Variants in MIR2052HG observed in about 807,000 individuals in gnomAD.
MIR2052HG encodes MIR2052 host gene.
intron 2 of MIR2052HG, among the ~76,000 whole-genome samples, chr8:74,661,915 C>T (rs534535577): frequency 4.4e-4 from 67 of 152,220 alleles, no homozygotes; most frequent in African/African-American, 1.5e-3. Flanking sequence ...TATTGAAAAA[C>T]GATATATCTA....
At chr8:74,612,914 G>A in exon 2 of MIR2052HG, 1 of 456,280 alleles carries the variant, frequency 2.2e-6, no homozygotes, top group Non-Finnish European at 4.4e-6. Flanking sequence ...TGGAGAGCCA[G>A]AAAAGGATCC....
intron 4 of MIR2052HG, among the ~76,000 whole-genome samples, chr8:74,738,228 A>G (rs1193156020): frequency 6.6e-6 from 1 of 151,852 alleles, no homozygotes; most frequent in African/African-American, 2.4e-5. Flanking sequence ...CCTTCTTCCT[A>G]CATGTACCGT....
chr8:74,679,361 T>C (rs1042531080), intron 2 of MIR2052HG, among the ~76,000 whole-genome samples: 6 of 152,210 alleles, frequency 3.9e-5, no homozygotes, highest in Middle Eastern at 6.8e-3. Flanking sequence ...TTTCCATTCC[T>C]GAGTTATTTC....
At chr8:74,701,970 C>A (rs1809362673) in intron 2 of MIR2052HG, among the ~76,000 whole-genome samples, 1 of 152,022 alleles carries the variant, frequency 6.6e-6, no homozygotes, top group African/African-American at 2.4e-5. Context: ...AAAGGTAAAT[C>A]TTTGAGGCAT....
chr8:74,688,467 A>C (rs1304276387), intron 2 of MIR2052HG, among the ~76,000 whole-genome samples: 1 of 151,964 alleles, frequency 6.6e-6, no homozygotes, highest in African/African-American at 2.4e-5. Flanking sequence ...ACTAGTATAC[A>C]CGAGCTATAC....
chr8:74,729,123 A>T (rs1005745373), intron 4 of MIR2052HG, among the ~76,000 whole-genome samples: 3 of 152,206 alleles, frequency 2.0e-5, no homozygotes, highest in African/African-American at 7.2e-5. Flanking sequence ...AACTGGCTCC[A>T]ACAATCACAT....
chr8:74,715,520 A>C lies in MIR2052HG; in HGVS notation n.371+11838A>C, dbSNP rs527239484. On this transcript the variant is annotated intron_variant and non_coding_transcript_variant, in intron 4 of 6. Transcript: ENST00000523442. ...AAAGGTGTTTGACTAGAAAAATCCC[A>C]TTCTGTTTGTGACTTGTGAACTGAA... Among the ~76,000 whole-genome samples the C allele has an allele frequency of 3.9e-5, 6 of 152,336 alleles. No individual in the cohort carries two copies. In the South Asian group the frequency reaches 1.2e-3, roughly 32 times the overall value.
intron 2 of MIR2052HG, among the ~76,000 whole-genome samples, chr8:74,680,534 A>G (rs1809111288): frequency 6.6e-6 from 1 of 152,166 alleles, no homozygotes; most frequent in South Asian, 2.1e-4. Context: ...CACCAGTTAG[A>G]ATGGCAATCA....
chr8:74,673,894 T>TAG (rs1809020182), intron 2 of MIR2052HG, among the ~76,000 whole-genome samples: 1 of 131,840 alleles, frequency 7.6e-6, no homozygotes, highest in Non-Finnish European at 1.5e-5. Flanking sequence ...TTTGTATATA[T>TAG]ATATATATAT....
chr8:74,618,167 GCT>G (rs991974695), intron 2 of MIR2052HG, among the ~76,000 whole-genome samples: 15 of 152,146 alleles, frequency 9.9e-5, no homozygotes, highest in African/African-American at 3.4e-4. Context: ...TTGCCTCAGG[GCT>G]CTCTTTTCTC....
At chr8:74,604,118 T>C in intron 1 of MIR2052HG, 2 of 908,092 alleles carry the variant, frequency 2.2e-6, no homozygotes, top group South Asian at 1.3e-5. Flanking sequence ...GGTGCACCAC[T>C]CTCCTCGCGC....
At chr8:74,706,656 T>C (rs1349684594) in intron 4 of MIR2052HG, among the ~76,000 whole-genome samples, 1 of 152,088 alleles carries the variant, frequency 6.6e-6, no homozygotes, top group Non-Finnish European at 1.5e-5. Context: ...CCATAGTGTT[T>C]GTGTAGTATA....
At chr8:74,679,644 TC>T (rs1266084090) in intron 2 of MIR2052HG, among the ~76,000 whole-genome samples, 1 of 151,842 alleles carries the variant, frequency 6.6e-6, no homozygotes, top group Non-Finnish European at 1.5e-5. Flanking sequence ...TACCTCAGCC[TC>T]CCAAGTAGCT....
chr8:74,603,351 G>A, intron 1 of MIR2052HG: 4 of 1,610,594 alleles, frequency 2.5e-6, no homozygotes, highest in Non-Finnish European at 3.4e-6. Context: ...ATTGAGCCAG[G>A]CTAATGCTGG....
At chr8:74,640,497 C>T (rs1205245268) in intron 2 of MIR2052HG, among the ~76,000 whole-genome samples, 1 of 146,580 alleles carries the variant, frequency 6.8e-6, no homozygotes, top group African/African-American at 2.5e-5. Context: ...AAAGAGTGGG[C>T]GCTGATGCTC....
chr8:74,742,207 T>C (rs1809838174), intron 4 of MIR2052HG, among the ~76,000 whole-genome samples: 1 of 152,170 alleles, frequency 6.6e-6, no homozygotes, highest in South Asian at 2.1e-4. Flanking sequence ...AAGATTGGTT[T>C]AAGGGGGAGT....
At chr8:74,690,327 C>A in intron 2 of MIR2052HG, among the ~76,000 whole-genome samples, 1 of 152,066 alleles carries the variant, frequency 6.6e-6, no homozygotes, top group East Asian at 1.9e-4. Flanking sequence ...TCATGAAGGA[C>A]TGGTAGTATT....
chr8:74,697,103 A>G (rs1174226477), intron 2 of MIR2052HG, among the ~76,000 whole-genome samples: 2 of 152,130 alleles, frequency 1.3e-5, no homozygotes, highest in East Asian at 3.8e-4. Context: ...ACTGAATCCA[A>G]TAACATACAA....
intron 2 of MIR2052HG, among the ~76,000 whole-genome samples, chr8:74,620,636 G>A (rs1563514833): frequency 6.6e-6 from 1 of 152,222 alleles, no homozygotes. Flanking sequence ...TTTTAGCCAG[G>A]GCTGGAGCTG....
Sources: allele counts gnomAD v4.1 joint callset (sites outside exome capture counted in the v4.1 genomes callset), GRCh38; gene constraint gnomAD v4.1.1; transcripts MANE v1.5; gene names NCBI Gene and HGNC (gene_info 2026-07-23, HGNC 2026-07-21).